Variants in RBPMS observed in about 807,000 individuals in gnomAD.
RBPMS encodes the protein RNA binding protein, mRNA processing factor, also known as RNA-binding protein with multiple splicing.
RBPMS carries 7 observed loss-of-function variants against 26.8 expected under a neutral mutation model. The ratio of observed to expected loss-of-function variants is 0.26; its 90% CI spans 0.15 to 0.49. The LOEUF (loss-of-function observed/expected upper bound fraction) is 0.49, where lower values mean the gene tolerates loss of function less well. RBPMS is among the 20% of genes least tolerant of loss of function. The pLI is 0.98. For synonymous variants in RBPMS, 96 were observed against 93.3 expected (o/e 1.03, Z -0.17); for missense variants, 186 against 250.0 (o/e 0.74, Z 1.73).
At chr8:30,534,266 A>G (rs1824571699) in intron 5 of RBPMS, among the ~76,000 whole-genome samples, 1 of 152,228 alleles carries the variant, frequency 6.6e-6, no homozygotes, top group Non-Finnish European at 1.5e-5. Context: ...TATAAGCTGT[A>G]TGACCTTGGA....
chr8:30,462,108 G>T (rs911769026), intron 1 of RBPMS, among the ~76,000 whole-genome samples: 2 of 152,146 alleles, frequency 1.3e-5, no homozygotes, highest in Non-Finnish European at 2.9e-5. Flanking sequence ...GTGTGAACAT[G>T]AGTTTTTATT....
chr8:30,448,305 G>A (rs1814119708), intron 1 of RBPMS, among the ~76,000 whole-genome samples: 1 of 152,182 alleles, frequency 6.6e-6, no homozygotes, highest in Admixed American at 6.5e-5. Flanking sequence ...GTCTTCCTGT[G>A]TGCATATTTG....
In RBPMS at chr8:30,548,072, A is replaced by G. The variant is rs183555809; in HGVS notation, c.528+3448A>G. Among the ~76,000 whole-genome samples, 214 of 152,348 alleles carry G rather than the reference A, an allele frequency of 1.4e-3. 1 individual carries two copies. The highest frequency in any genetic ancestry group is 2.2e-3 in the Non-Finnish European group (152 of 68,032). On this transcript the variant is annotated intron_variant, in intron 6 of 8. Coordinates refer to ENST00000397323, the MANE Select transcript of RBPMS (RefSeq NM_001008710.3). ...CTGACTTAATGTTTAGAGATCAAAG[A>G]GCGACCCTGTGCAGCAGACATCGGA...
At chr8:30,478,147 T>G (rs1345273725) in intron 3 of RBPMS, among the ~76,000 whole-genome samples, 1 of 152,204 alleles carries the variant, frequency 6.6e-6, no homozygotes, top group Admixed American at 6.5e-5. Flanking sequence ...CCCATTTCTT[T>G]TAATGAGGTT....
intron 1 of RBPMS, chr8:30,445,465 T>C (rs944274921): frequency 1.3e-4 from 20 of 152,094 alleles, no homozygotes; most frequent in African/African-American, 4.8e-4. Context: ...TATTGGCTTA[T>C]ATCTGAAGAA....
chr8:30,420,297 T>C (rs1585402499), intron 1 of RBPMS, among the ~76,000 whole-genome samples: 2 of 152,102 alleles, frequency 1.3e-5, no homozygotes, highest in Non-Finnish European at 2.9e-5. Context: ...ATAGATATTG[T>C]AAAGTCTCTT....
intron 1 of RBPMS, among the ~76,000 whole-genome samples, chr8:30,463,093 T>C (rs999424034): frequency 6.6e-6 from 1 of 152,184 alleles, no homozygotes; most frequent in South Asian, 2.1e-4. Flanking sequence ...TCTCTTAGGA[T>C]TGCCTTTGGT....
In RBPMS at chr8:30,449,604, C is replaced by G. The variant is rs939074035; in HGVS notation, c.67-25175C>G. On this transcript the variant is annotated intron_variant, in intron 1 of 8. Coordinates refer to ENST00000397323, the MANE Select transcript of RBPMS (RefSeq NM_001008710.3). ...CAGGCTTGTCTCAAACTCCTGACCT[C>G]AGGTCACCTGCCCACCTCAGCCTCC... is the stretch of plus-strand genomic sequence containing the variant. Among the ~76,000 whole-genome samples, 4 of 152,194 alleles carry G rather than the reference C, an allele frequency of 2.6e-5. No homozygotes were observed. In the South Asian group the frequency reaches 8.3e-4, roughly 32 times the overall value.
chr8:30,432,426 C>T (rs766209420), intron 1 of RBPMS, among the ~76,000 whole-genome samples: 4 of 152,118 alleles, frequency 2.6e-5, no homozygotes, highest in Non-Finnish European at 5.9e-5. Context: ...AGAACCATGA[C>T]CATAGAGGTG....
intron 5 of RBPMS, chr8:30,537,834 C>G: frequency 3.1e-6 from 1 of 317,740 alleles, no homozygotes; most frequent in South Asian, 2.7e-5. Flanking sequence ...CTGTAGTTAT[C>G]TTTGTCATCT....
At chr8:30,505,508 T>G (rs1435878257) in intron 5 of RBPMS, among the ~76,000 whole-genome samples, 8 of 152,196 alleles carry the variant, frequency 5.3e-5, no homozygotes. Context: ...TCCCTGAATG[T>G]TCTAAAATAA....
chr8:30,562,028 T>C, intron 7 of RBPMS: 7 of 985,146 alleles, frequency 7.1e-6, no homozygotes, highest in Non-Finnish European at 8.4e-6. Flanking sequence ...CCGAATAAGA[T>C]CCGAATAAGA....
intron 1 of RBPMS, among the ~76,000 whole-genome samples, chr8:30,450,536 T>A (rs888932904): frequency 3.3e-5 from 5 of 152,122 alleles, no homozygotes; most frequent in Non-Finnish European, 5.9e-5. Flanking sequence ...AGCTCCCAGG[T>A]CATGAGCAAA....
At chr8:30,504,147 GTGTAAGTAGTAAGAA>G in intron 4 of RBPMS, 124 bp from the exon 5 acceptor site, 1 of 795,088 alleles carries the variant, frequency 1.3e-6, no homozygotes, top group Non-Finnish European at 2.1e-6. Flanking sequence ...CATGTAACCT[GTGTAAGTAGTAAGAA>G]TGAGAGTGGT....
chr8:30,434,704 G>C (rs1458240788), intron 1 of RBPMS, among the ~76,000 whole-genome samples: 2 of 99,374 alleles, frequency 2.0e-5, no homozygotes, highest in Non-Finnish European at 4.4e-5. Context: ...ACTCTGCCTC[G>C]AAAAAAAAAA....
At chr8:30,456,276 A>C (rs1002410492) in intron 1 of RBPMS, among the ~76,000 whole-genome samples, 1 of 152,196 alleles carries the variant, frequency 6.6e-6, no homozygotes, top group African/African-American at 2.4e-5. Context: ...AAAGATGAAG[A>C]TATTTGGGCA....
At chr8:30,413,119 C>T (rs1303200108) in intron 1 of RBPMS, among the ~76,000 whole-genome samples, 3 of 152,210 alleles carry the variant, frequency 2.0e-5, no homozygotes, top group African/African-American at 4.8e-5. Flanking sequence ...TGCTCTGTTG[C>T]CCAGGCTGGA....
At chr8:30,542,855 G>A (rs1261915778) in intron 5 of RBPMS, among the ~76,000 whole-genome samples, 1 of 152,210 alleles carries the variant, frequency 6.6e-6, no homozygotes, top group Non-Finnish European at 1.5e-5. Flanking sequence ...CCCTCTGAGG[G>A]TGGTCCCTAA....
chr8:30,387,736 C>T (rs1314783942), intron 1 of RBPMS, among the ~76,000 whole-genome samples: 1 of 152,178 alleles, frequency 6.6e-6, no homozygotes, highest in Non-Finnish European at 1.5e-5. Context: ...GGGCTTTCTC[C>T]ACATTGTAGA....
Sources: allele counts gnomAD v4.1 joint callset (sites outside exome capture counted in the v4.1 genomes callset), GRCh38; gene constraint gnomAD v4.1.1; transcripts MANE v1.5; gene names NCBI Gene and HGNC (gene_info 2026-07-23, HGNC 2026-07-21).